SPAG16: variants seen among roughly 807,000 people sequenced by gnomAD.
SPAG16 encodes the protein sperm associated antigen 16.
In SPAG16, 86 loss-of-function variants were observed where a neutral mutation model predicts 80.4. That is an observed-to-expected ratio of 1.07 (90% CI 0.90 to 1.28). The LOEUF (loss-of-function observed/expected upper bound fraction) is 1.28. Ranked by LOEUF, SPAG16 falls within the 50% of genes most tolerant of loss-of-function variation. The pLI, the probability that SPAG16 is intolerant of heterozygous loss-of-function variation, is 0.00. For missense variants in SPAG16, 870 were observed against 765.3 expected (o/e 1.14, Z -1.61); for synonymous variants, 294 against 265.9 (o/e 1.11, Z -1.03).
chr2:214,242,472 A>G (rs1689563010), intron 15 of SPAG16, among the ~76,000 whole-genome samples: 1 of 152,218 alleles, frequency 6.6e-6, no homozygotes, highest in South Asian at 2.1e-4. Flanking sequence ...TCTCCTTCAG[A>G]GACTTACACC....
At chr2:214,308,694 T>TAA (rs1695090298) in intron 15 of SPAG16, among the ~76,000 whole-genome samples, 6 of 152,162 alleles carry the variant, frequency 3.9e-5, no homozygotes, top group Admixed American at 3.9e-4. Flanking sequence ...CTTTTTTTTT[T>TAA]AAGAATGTTG....
intron 15 of SPAG16, among the ~76,000 whole-genome samples, chr2:214,339,096 A>G (rs1321148347): frequency 6.6e-6 from 1 of 152,204 alleles, no homozygotes; most frequent in Non-Finnish European, 1.5e-5. Context: ...ATCAAATGAA[A>G]CTGATAATTG....
chr2:214,373,938 A>G (rs1699969690), intron 15 of SPAG16, among the ~76,000 whole-genome samples: 1 of 152,208 alleles, frequency 6.6e-6, no homozygotes, highest in Non-Finnish European at 1.5e-5. Context: ...ACCATGTTCC[A>G]GGGATATGGA....
At chr2:213,725,643 G>C (rs878923) in intron 10 of SPAG16, among the ~76,000 whole-genome samples, 24 of 152,030 alleles carry the variant, frequency 1.6e-4, no homozygotes, top group Non-Finnish European at 3.4e-4. Context: ...AGGGTGCGGC[G>C]TGTCTTAGCA....
chr2:214,317,835 T>G (rs550770328), intron 15 of SPAG16, among the ~76,000 whole-genome samples: 1 of 152,192 alleles, frequency 6.6e-6, no homozygotes, highest in Non-Finnish European at 1.5e-5. Flanking sequence ...TTACAGCTCA[T>G]TAGTCAGAAC....
chr2:213,642,537 T>G (rs1450093302), intron 10 of SPAG16, among the ~76,000 whole-genome samples: 1 of 151,902 alleles, frequency 6.6e-6, no homozygotes, highest in African/African-American at 2.4e-5. Flanking sequence ...GCAGACCCAC[T>G]CTTAATCTGA....
At chr2:213,605,769 G>A (rs2124995486) in intron 10 of SPAG16, among the ~76,000 whole-genome samples, 1 of 152,194 alleles carries the variant, frequency 6.6e-6, no homozygotes, top group Middle Eastern at 3.4e-3. Flanking sequence ...GATTACAGGT[G>A]TGAGCCACCG....
At chr2:213,785,303 A>G (rs1459149178) in intron 10 of SPAG16, among the ~76,000 whole-genome samples, 1 of 152,164 alleles carries the variant, frequency 6.6e-6, no homozygotes, top group African/African-American at 2.4e-5. Flanking sequence ...TTAAAATATT[A>G]TTTTATGATT....
At chr2:213,921,280 T>G (rs1280305905) in intron 11 of SPAG16, among the ~76,000 whole-genome samples, 2 of 152,226 alleles carry the variant, frequency 1.3e-5, no homozygotes, top group African/African-American at 4.8e-5. Flanking sequence ...TTCTTTAGCT[T>G]ATTTGGTCTT....
chr2:213,393,198 TAA>T (rs35502279), intron 9 of SPAG16, among the ~76,000 whole-genome samples: 1 of 147,696 alleles, frequency 6.8e-6, no homozygotes, highest in Non-Finnish European at 1.5e-5. Context: ...GAGACTGCAG[TAA>T]AAAAAAAATG....
At chr2:213,390,979 A>G (rs2067718372) in intron 9 of SPAG16, among the ~76,000 whole-genome samples, 1 of 152,162 alleles carries the variant, frequency 6.6e-6, no homozygotes, top group Admixed American at 6.5e-5. Context: ...TGATCTTTAG[A>G]AATTATATGG....
At chr2:214,051,117 T>A (rs951021831) in intron 13 of SPAG16, among the ~76,000 whole-genome samples, 3 of 152,208 alleles carry the variant, frequency 2.0e-5, no homozygotes, top group African/African-American at 7.2e-5. Flanking sequence ...GCTCTAAGAA[T>A]ATTTCTGGCA....
chr2:214,146,816 C>A (rs1426879334), intron 14 of SPAG16, among the ~76,000 whole-genome samples: 2 of 152,098 alleles, frequency 1.3e-5, no homozygotes, highest in East Asian at 3.9e-4. Flanking sequence ...CTGGCTAACA[C>A]AGTGAAACCC....
intron 12 of SPAG16, among the ~76,000 whole-genome samples, chr2:213,936,559 G>A (rs2078997353): frequency 6.6e-6 from 1 of 152,150 alleles, no homozygotes; most frequent in African/African-American, 2.4e-5. Context: ...AATAGTGAAA[G>A]TCATAAAAAT....
At chr2:213,621,742 GT>G (rs895010044) in intron 10 of SPAG16, among the ~76,000 whole-genome samples, 71 of 152,234 alleles carry the variant, frequency 4.7e-4, no homozygotes, top group African/African-American at 1.7e-3. Flanking sequence ...TTTAAAAGAA[GT>G]TTTTGAATCT....
chr2:214,335,457 T>C (rs1425594044), intron 15 of SPAG16, among the ~76,000 whole-genome samples: 3 of 119,816 alleles, frequency 2.5e-5, no homozygotes, highest in African/African-American at 7.7e-5. Context: ...GCTTTCTAAA[T>C]TAACATGGAG....
At position 213,859,197 on chromosome 2, in the gene SPAG16, AAAAAAAAAAAAAAAAAAAAC is replaced by A. The variant is rs1258115493; in HGVS notation, c.1071-3287_1071-3268del. Among the ~76,000 whole-genome samples, 562 of 141,290 alleles carry A rather than the reference AAAAAAAAAAAAAAAAAAAAC, an allele frequency of 4.0e-3. 18 individuals are homozygous for A. Among genetic ancestry groups the A allele is most frequent in the East Asian group, 0.02 (96 of 4,914 alleles). The allele number at this position is 141,290 out of a possible 152,430, so 92.7% of individuals were successfully genotyped here. ...CCGTCTCAAAAAAAAAAAAAAAAAA[AAAAAAAAAAAAAAAAAAAAC>A]TCAATGTCCTCTGACAACTTGATGT... On this transcript the variant is annotated intron_variant, in intron 10 of 15. Transcript: ENST00000331683.
chr2:214,221,947 AC>A (rs2058582583), intron 15 of SPAG16, among the ~76,000 whole-genome samples: 3 of 152,230 alleles, frequency 2.0e-5, no homozygotes, highest in Admixed American at 1.3e-4. Context: ...TTGAAAAAAA[AC>A]ATTAAAAATA....
chr2:213,391,990 A>G (rs1376094693), intron 9 of SPAG16, among the ~76,000 whole-genome samples: 1 of 152,142 alleles, frequency 6.6e-6, no homozygotes, highest in Non-Finnish European at 1.5e-5. Flanking sequence ...CCTGTACACA[A>G]CTCTCAGTTT....
Sources: gnomAD v4.1 joint callset for allele counts (sites outside exome capture counted in the v4.1 genomes callset) on GRCh38, gnomAD v4.1.1 for gene constraint, MANE v1.5 for transcripts, NCBI Gene and HGNC (gene_info 2026-07-23, HGNC 2026-07-21) for gene names.